Variants in CNTN3 observed in about 807,000 individuals in gnomAD.
CNTN3 encodes the protein contactin 3.
A neutral mutation model predicts 119.1 loss-of-function variants in CNTN3; 60 were observed. The ratio of observed to expected loss-of-function variants is 0.50; its 90% CI spans 0.41 to 0.62. The LOEUF (loss-of-function observed/expected upper bound fraction) is 0.62. Among genes scored for constraint, CNTN3 ranks in the 20% least tolerant of loss-of-function variants. The probability of loss-of-function intolerance (pLI) is 0.00; values close to 1 mark genes in which losing one functional copy is unlikely to be tolerated. For missense variants in CNTN3, 1,101 were observed against 1,242.4 expected (o/e 0.89, Z 1.71); for synonymous variants, 450 against 438.7 (o/e 1.03, Z -0.32).
intron 5 of CNTN3, among the ~76,000 whole-genome samples, chr3:74,405,810 C>T (rs1005490535): frequency 6.6e-6 from 1 of 151,984 alleles, no homozygotes; most frequent in African/African-American, 2.4e-5. Flanking sequence ...AGAAGACTAT[C>T]CAGTTTTCCA....
intron 1 of CNTN3, among the ~76,000 whole-genome samples, chr3:74,589,248 AC>A (rs1704654564): frequency 6.6e-6 from 1 of 152,316 alleles, no homozygotes; most frequent in African/African-American, 2.4e-5. Flanking sequence ...ATGAACTCAA[AC>A]CAATTTACAA....
At chr3:74,389,765 G>A (rs900109659) in intron 5 of CNTN3, among the ~76,000 whole-genome samples, 6 of 152,098 alleles carry the variant, frequency 3.9e-5, no homozygotes, top group Admixed American at 3.9e-4. Context: ...AATCTAAGCA[G>A]TTCTGCACAA....
intron 4 of CNTN3, among the ~76,000 whole-genome samples, chr3:74,480,676 C>G (rs983657770): frequency 3.3e-5 from 5 of 151,986 alleles, no homozygotes; most frequent in Non-Finnish European, 5.9e-5. Flanking sequence ...TTTGTACATG[C>G]TCACACTATT....
chr3:74,455,408 A>AT (rs565770638), intron 4 of CNTN3, among the ~76,000 whole-genome samples: 10,170 of 151,546 alleles, frequency 0.067, 465 homozygotes, highest in South Asian at 0.15. Flanking sequence ...ATTCGTCTAA[A>AT]TTTTTTTCAA....
chr3:74,570,986 G>C (rs1038367808), intron 1 of CNTN3, among the ~76,000 whole-genome samples: 1 of 152,144 alleles, frequency 6.6e-6, no homozygotes, highest in African/African-American at 2.4e-5. Flanking sequence ...GTTAATTCAC[G>C]TTTGAAGTAG....
chr3:74,454,133 T>C (rs1262031312), intron 4 of CNTN3, among the ~76,000 whole-genome samples: 1 of 124,648 alleles, frequency 8.0e-6, no homozygotes, highest in Non-Finnish European at 1.7e-5. Flanking sequence ...CCATTATTAA[T>C]GTGTGGGAGT....
chr3:74,420,554 A>C (rs1701600914), intron 5 of CNTN3, among the ~76,000 whole-genome samples: 1 of 152,242 alleles, frequency 6.6e-6, no homozygotes. Flanking sequence ...ATTTCTGCTA[A>C]TGTGATTTTA....
intron 5 of CNTN3, among the ~76,000 whole-genome samples, chr3:74,390,708 A>G (rs1239925335): frequency 6.6e-6 from 1 of 152,136 alleles, no homozygotes; most frequent in East Asian, 1.9e-4. Context: ...CCACCCACCC[A>G]TATGTTCTTC....
intron 1 of CNTN3, among the ~76,000 whole-genome samples, chr3:74,578,299 G>A (rs953210055): frequency 1.3e-5 from 2 of 151,936 alleles, no homozygotes; most frequent in African/African-American, 2.4e-5. Flanking sequence ...TTGCTAAATG[G>A]CACAGTCCAA....
intron 1 of CNTN3, among the ~76,000 whole-genome samples, chr3:74,595,984 C>T (rs1469929033): frequency 6.6e-6 from 1 of 152,020 alleles, no homozygotes; most frequent in African/African-American, 2.4e-5. Context: ...TAAGCAACTT[C>T]AGCAAAGTCT....
chr3:74,537,611 C>T (rs1703784415), intron 1 of CNTN3, among the ~76,000 whole-genome samples: 1 of 152,072 alleles, frequency 6.6e-6, no homozygotes. Flanking sequence ...GAAATCTCCC[C>T]CTTTTGCCAC....
At chr3:74,287,038 TA>T (rs1300090932) in intron 19 of CNTN3, among the ~76,000 whole-genome samples, 2 of 152,206 alleles carry the variant, frequency 1.3e-5, no homozygotes, top group African/African-American at 4.8e-5. Flanking sequence ...TACTAACCAT[TA>T]ACTGCTGTTG....
chr3:74,550,267 C>G (rs1294113121), intron 1 of CNTN3, among the ~76,000 whole-genome samples: 2 of 152,094 alleles, frequency 1.3e-5, no homozygotes, highest in African/African-American at 4.8e-5. Flanking sequence ...AGAAAAGGAG[C>G]CCAAGGGAAG....
intron 1 of CNTN3, among the ~76,000 whole-genome samples, chr3:74,589,803 T>C (rs1704667417): frequency 6.6e-6 from 1 of 151,710 alleles, no homozygotes; most frequent in Non-Finnish European, 1.5e-5. Context: ...TCATGTCCTT[T>C]GTAGGGACAT....
At chr3:74,273,181 A>G (rs994643825) in intron 20 of CNTN3, among the ~76,000 whole-genome samples, 5 of 152,196 alleles carry the variant, frequency 3.3e-5, no homozygotes, top group Admixed American at 2.6e-4. Flanking sequence ...TTGAGGTAGC[A>G]ATAGTCATTT....
intron 4 of CNTN3, among the ~76,000 whole-genome samples, chr3:74,463,851 A>G (rs535426884): frequency 6.6e-6 from 1 of 152,274 alleles, no homozygotes; most frequent in South Asian, 2.1e-4. Context: ...TTCATATTAC[A>G]CAATTGTTGA....
intron 13 of CNTN3, among the ~76,000 whole-genome samples, chr3:74,328,169 ATCTG>A (rs1217445293): frequency 6.6e-6 from 1 of 152,090 alleles, no homozygotes; most frequent in Non-Finnish European, 1.5e-5. Context: ...TATCAAAATA[ATCTG>A]TCTAATATTT....
rs560120465 is a variant in CNTN3 at position 74,358,732 on chromosome 3, G to T, written c.1364+3158C>A. Among the ~76,000 whole-genome samples the T allele has an allele frequency of 5.3e-5, 8 of 149,890 alleles. No individual in the cohort carries two copies. The East Asian group carries it at 1.6e-3, about 30-fold the overall frequency. On this transcript the variant is annotated intron_variant, in intron 11 of 22. Transcript: ENST00000263665. ...CCACTAACTCGTCATCTAGCATTAG[G>T]TATATCTCCCAATGCTATCCCTCCC...
chr3:74,320,560 C>G (rs556703218), intron 13 of CNTN3, among the ~76,000 whole-genome samples: 4 of 152,202 alleles, frequency 2.6e-5, no homozygotes, highest in Admixed American at 2.6e-4. Context: ...GGAGATATAC[C>G]TAAGGCTAAA....
Sources: gnomAD v4.1 joint callset for allele counts (sites outside exome capture counted in the v4.1 genomes callset) on GRCh38, gnomAD v4.1.1 for gene constraint, MANE v1.5 for transcripts, NCBI Gene and HGNC (gene_info 2026-07-23, HGNC 2026-07-21) for gene names.